The following CNTN5 variants were observed in gnomAD, a reference collection of about 807,000 sequenced individuals.
The protein encoded by CNTN5 is contactin-5.
Under a neutral mutation model 129.1 loss-of-function variants are expected in CNTN5, and 77 were observed. The ratio of observed to expected loss-of-function variants is 0.60; its 90% CI spans 0.50 to 0.72. The LOEUF (loss-of-function observed/expected upper bound fraction) is 0.72, where lower values mean the gene tolerates loss of function less well. Among genes scored for constraint, CNTN5 ranks in the 30% least tolerant of loss-of-function variants. The pLI, the probability that CNTN5 is intolerant of heterozygous loss-of-function variation, is 0.00. For synonymous variants in CNTN5, 509 were observed against 465.6 expected (o/e 1.09, Z -1.20); for missense variants, 1,478 against 1,328.8 (o/e 1.11, Z -1.75).
At chr11:99,361,335 C>T (rs558754004) in intron 2 of CNTN5, among the ~76,000 whole-genome samples, 4 of 152,224 alleles carry the variant, frequency 2.6e-5, no homozygotes, top group African/African-American at 7.2e-5. Flanking sequence ...CCAAAATGGA[C>T]TAAGATGCCC....
intron 2 of CNTN5, among the ~76,000 whole-genome samples, chr11:99,387,841 A>G (rs1446883037): frequency 6.6e-6 from 1 of 152,086 alleles, no homozygotes; most frequent in East Asian, 1.9e-4. Context: ...TAGAGTAGTG[A>G]GTTGTTTTTA....
At chr11:99,214,123 G>A (rs1007187249) in intron 1 of CNTN5, among the ~76,000 whole-genome samples, 1 of 152,032 alleles carries the variant, frequency 6.6e-6, no homozygotes, top group African/African-American at 2.4e-5. Context: ...ACACCTGAAA[G>A]TGACAATGAA....
At chr11:99,885,029 T>C (rs1344988876) in intron 6 of CNTN5, among the ~76,000 whole-genome samples, 1 of 152,122 alleles carries the variant, frequency 6.6e-6, no homozygotes, top group Non-Finnish European at 1.5e-5. Flanking sequence ...ACACCTGTAA[T>C]GACAGCACTC....
chr11:99,925,978 T>A (rs1950053167), intron 7 of CNTN5, among the ~76,000 whole-genome samples: 1 of 152,162 alleles, frequency 6.6e-6, no homozygotes, highest in South Asian at 2.1e-4. Context: ...GGCTCTGACA[T>A]TTACCATTGG....
At chr11:99,193,333 G>A (rs116506551) in intron 1 of CNTN5, among the ~76,000 whole-genome samples, 38 of 152,238 alleles carry the variant, frequency 2.5e-4, no homozygotes, top group African/African-American at 8.4e-4. Context: ...ATGGAGAGTC[G>A]AAGTTGAAAC....
intron 8 of CNTN5, among the ~76,000 whole-genome samples, chr11:99,966,896 T>C (rs1951109240): frequency 6.6e-6 from 1 of 152,124 alleles, no homozygotes; most frequent in African/African-American, 2.4e-5. Context: ...GTATCTGTGG[T>C]AGGGAGGGGC....
rs150441772 is a variant in CNTN5 at position 100,164,665 on chromosome 11, A to G, written c.1581-26461A>G. ...ATTTCAATAACAGAAAAGACATGGA[A>G]TAAAAATGATAAAACTGCTTTAAAA... On this transcript the variant is annotated intron_variant, in intron 13 of 24. Coordinates refer to ENST00000524871, the MANE Select transcript of CNTN5 (RefSeq NM_014361.4). Among the ~76,000 whole-genome samples, 817 of 151,970 alleles carry G rather than the reference A, an allele frequency of 5.4e-3. 8 individuals carry two copies. The highest frequency in any genetic ancestry group is 0.018 in the African/African-American group (768 of 41,538).
intron 4 of CNTN5, among the ~76,000 whole-genome samples, chr11:99,823,698 T>G (rs1339338852): frequency 6.6e-6 from 1 of 152,190 alleles, no homozygotes; most frequent in Non-Finnish European, 1.5e-5. Context: ...TTAAGTTTAT[T>G]AAACTTTAAT....
At chr11:100,106,282 G>C (rs2138088538) in intron 13 of CNTN5, among the ~76,000 whole-genome samples, 1 of 152,264 alleles carries the variant, frequency 6.6e-6, no homozygotes, top group East Asian at 1.9e-4. Flanking sequence ...GCCACTAAAT[G>C]GCACAGCAAG....
At chr11:99,160,442 G>C (rs1860553366) in intron 1 of CNTN5, among the ~76,000 whole-genome samples, 2 of 152,172 alleles carry the variant, frequency 1.3e-5, no homozygotes, top group Admixed American at 1.3e-4. Context: ...ATAAGTCTGT[G>C]AATTGCTTTC....
At chr11:99,632,961 A>C (rs1196290529) in intron 3 of CNTN5, among the ~76,000 whole-genome samples, 1 of 152,130 alleles carries the variant, frequency 6.6e-6, no homozygotes, top group Non-Finnish European at 1.5e-5. Flanking sequence ...GGATTTATTC[A>C]TTATCTGAAC....
intron 3 of CNTN5, among the ~76,000 whole-genome samples, chr11:99,777,145 A>T (rs1034227867): frequency 9.9e-5 from 15 of 151,912 alleles, no homozygotes; most frequent in African/African-American, 3.6e-4. Flanking sequence ...ATTATGGTGA[A>T]TATTACATTC....
intron 1 of CNTN5, among the ~76,000 whole-genome samples, chr11:99,061,074 T>C (rs894057780): frequency 1.3e-5 from 2 of 152,128 alleles, no homozygotes; most frequent in Non-Finnish European, 2.9e-5. Flanking sequence ...ATTGTGTAAA[T>C]ACAAATCACT....
chr11:100,342,118 C>A (rs983248896), intron 23 of CNTN5, among the ~76,000 whole-genome samples: 1 of 148,972 alleles, frequency 6.7e-6, no homozygotes, highest in South Asian at 2.1e-4. Context: ...CACAAACTAG[C>A]ATTTGTTACC....
At chr11:99,489,723 G>T (rs778996428) in intron 2 of CNTN5, among the ~76,000 whole-genome samples, 3 of 152,048 alleles carry the variant, frequency 2.0e-5, no homozygotes, top group Non-Finnish European at 1.5e-5. Flanking sequence ...GCCAGGAGTT[G>T]GTACACCATA....
At chr11:99,346,786 G>C (rs1463273220) in intron 2 of CNTN5, among the ~76,000 whole-genome samples, 2 of 152,180 alleles carry the variant, frequency 1.3e-5, no homozygotes, top group African/African-American at 4.8e-5. Context: ...ATGAAAAGAG[G>C]AAGAGACACA....
At position 100,197,183 on chromosome 11, in the gene CNTN5, G is replaced by A. The variant is rs140267267; in HGVS notation, c.1884+3520G>A. ...AAAGAAGGGCAGAAGAGCTTAGTGC[G>A]TGTTTTGGGAACAGTGAGGAACCAG... On this transcript the variant is annotated intron_variant, in intron 15 of 24. Coordinates refer to ENST00000524871, the MANE Select transcript of CNTN5 (RefSeq NM_014361.4). 6.0e-4 allele frequency among the ~76,000 whole-genome samples: 92 copies of A among 152,102 alleles called. 1 individual carries two copies. The South Asian group carries it at 0.012, about 20-fold the overall frequency.
At chr11:99,980,308 G>T (rs1169172024) in intron 8 of CNTN5, among the ~76,000 whole-genome samples, 2 of 152,150 alleles carry the variant, frequency 1.3e-5, no homozygotes, top group African/African-American at 2.4e-5. Context: ...TAATGAAATT[G>T]CTTGCTTCCT....
In CNTN5 at chr11:99,714,853, GAA is replaced by G. The variant is rs10699540; in HGVS notation, c.56-104680_56-104679del. ...GCCTGTTTGAACTTCAGCTCATGTG[GAA>G]AAAAAAAAAACCTTGAAGCTGTCTA... On this transcript the variant is annotated intron_variant, in intron 3 of 24. Coordinates refer to ENST00000524871, the MANE Select transcript of CNTN5 (RefSeq NM_014361.4). 4.0e-5 allele frequency among the ~76,000 whole-genome samples: 6 copies of G among 148,228 alleles called. No individual in the cohort carries two copies. In the East Asian group the frequency reaches 6.0e-4, roughly 15 times the overall value.
Sources: allele counts gnomAD v4.1 joint callset (sites outside exome capture counted in the v4.1 genomes callset), GRCh38; gene constraint gnomAD v4.1.1; transcripts MANE v1.5; gene names NCBI Gene and HGNC (gene_info 2026-07-23, HGNC 2026-07-21).